Variants in PCNT observed in about 807,000 individuals in gnomAD.
PCNT encodes the protein kendrin.
A neutral mutation model predicts 380.4 loss-of-function variants in PCNT; 319 were observed. The ratio of observed to expected loss-of-function variants is 0.84; its 90% CI spans 0.77 to 0.92. The LOEUF is 0.92. Among genes scored for constraint, PCNT ranks in the 40% least tolerant of loss-of-function variants. PCNT has a pLI of 0.00. For missense variants in PCNT, 4,400 were observed against 4,255.3 expected (o/e 1.03, Z -0.95); for synonymous variants, 1,845 against 1,735.2 (o/e 1.06, Z -1.57).
chr21:46,360,665 T>C (rs1237147912), intron 13 of PCNT, among the ~76,000 whole-genome samples: 8 of 151,400 alleles, frequency 5.3e-5, no homozygotes, highest in Admixed American at 1.3e-4. Flanking sequence ...ACTACAGGCG[T>C]CCGCCACCAC....
At chr21:46,408,723 T>G (rs1008086996) in intron 27 of PCNT, among the ~76,000 whole-genome samples, 4 of 149,150 alleles carry the variant, frequency 2.7e-5, no homozygotes, top group East Asian at 1.9e-4. Flanking sequence ...CAGAAAGTTT[T>G]TTTTTTTTTT....
chr21:46,381,208 GTGTGTGTGTGTGTGTGTGT>G (rs2085526477), intron 15 of PCNT, among the ~76,000 whole-genome samples: 3 of 65,224 alleles, frequency 4.6e-5, no homozygotes, highest in African/African-American at 3.9e-4. Context: ...GTGTGTGTGT[GTGTGTGTGTGTGTGTGTGT>G]GTGTGTGTGT....
chr21:46,346,032 G>A (rs948439297), intron 3 of PCNT, 96 bp from the exon 4 acceptor site: 6 of 1,173,748 alleles, frequency 5.1e-6, no homozygotes, highest in South Asian at 2.5e-5. Context: ...AGCTGCGAAC[G>A]GGGTTTTGTG....
intron 41 of PCNT, among the ~76,000 whole-genome samples, chr21:46,438,542 C>T (rs571798446): frequency 2.0e-5 from 3 of 152,338 alleles, no homozygotes; most frequent in Non-Finnish European, 4.4e-5. Context: ...CTTCCAGCTC[C>T]GCCACAGACG....
chr21:46,419,617 C>G (rs1480431810), intron 31 of PCNT, among the ~76,000 whole-genome samples: 1 of 152,230 alleles, frequency 6.6e-6, no homozygotes, highest in Non-Finnish European at 1.5e-5. Context: ...CTCAGTTTCT[C>G]CTGTGTGCTT....
At chr21:46,421,401 C>A (rs551945158) in intron 31 of PCNT, among the ~76,000 whole-genome samples, 5 of 152,322 alleles carry the variant, frequency 3.3e-5, no homozygotes, top group Admixed American at 1.3e-4. Flanking sequence ...AAAGCGCCCC[C>A]CTCCCTGTGG....
At chr21:46,422,592 C>T (rs2087301102) in intron 32 of PCNT, among the ~76,000 whole-genome samples, 1 of 152,218 alleles carries the variant, frequency 6.6e-6, no homozygotes, top group Non-Finnish European at 1.5e-5. Context: ...GGTTTTCTTT[C>T]CTCTCCCAGT....
intron 2 of PCNT, among the ~76,000 whole-genome samples, chr21:46,332,982 G>C (rs553196570): frequency 1.3e-5 from 2 of 152,226 alleles, no homozygotes; most frequent in East Asian, 3.9e-4. Flanking sequence ...GCACAGTGGC[G>C]CATGCCAGTA....
At chr21:46,389,036 A>G (rs2085940571) in intron 18 of PCNT, 152 bp downstream of exon 18, 4 of 1,382,178 alleles carry the variant, frequency 2.9e-6, no homozygotes, top group Non-Finnish European at 4.0e-6. Context: ...GAAGGCCGAG[A>G]CCGGGGTTTG....
intron 2 of PCNT, among the ~76,000 whole-genome samples, chr21:46,331,585 T>C (rs1229538339): frequency 4.6e-5 from 7 of 151,738 alleles, no homozygotes; most frequent in African/African-American, 1.5e-4. Context: ...GGGAGGATGG[T>C]TGAAACTCTG....
rs1241644792 is a variant in PCNT, at chr21:46,324,175, C to T, written c.-54C>T. ...GGAGGGAGTGTAAATAGAGCGAAGG[C>T]TGCTCTGTGTCAGCCCCGTCACCGC... On this transcript the variant is annotated 5_prime_UTR_variant, in exon 1 of 47. Transcript: ENST00000359568. The T allele has an allele frequency of 6.8e-7, 1 of 1,480,204 alleles. No individual in the cohort carries two copies. The highest frequency in any genetic ancestry group is 9.4e-7 in the Non-Finnish European group (1 of 1,068,830). The allele number at this position is 1,480,204 out of a possible 1,614,324, so 91.7% of individuals were successfully genotyped here. A position where few individuals can be genotyped will look rare whatever the true frequency, so the allele number is the denominator to read the frequency against.
rs1029955995 is a variant in PCNT at position 46,385,832 on chromosome 21, C to T, written c.3313C>T (p.Leu1105=). The T allele has an allele frequency of 3.0e-5, 48 of 1,614,070 alleles. No homozygotes were observed. The highest frequency in any genetic ancestry group is 3.4e-5 in the Non-Finnish European group (40 of 1,180,008). The change falls in exon 17 of 47, where the codon CTG becomes TTG. Residue 1105 remains leucine (L), a splice_region_variant and synonymous_variant. Transcript: ENST00000359568. ...AAGCTTTAACCATTTTTCTCGATAGCTGAAAGACCAGGTTTTATCCTTAAG... is the reference window on the plus strand; with the variant it reads ...AAGCTTTAACCATTTTTCTCGATAGTTGAAAGACCAGGTTTTATCCTTAAG... ...LQKKNHQVQQ[L]KDQVLSLSHE...
In PCNT at chr21:46,388,985, A is replaced by G; in HGVS notation, c.3607+101A>G. ...CTCCGTATTGGGCGATGCCCTTGGGAGCACTGCCGTCCTGGTTTCCTGCTA... is the reference window on the plus strand; with the variant it reads ...CTCCGTATTGGGCGATGCCCTTGGGGGCACTGCCGTCCTGGTTTCCTGCTA... On this transcript the variant is annotated intron_variant, in intron 18 of 46. Coordinates refer to ENST00000359568, the MANE Select transcript of PCNT (RefSeq NM_006031.6). The surrounding 1 kb of genome is among the most constrained non-coding windows in gnomAD (Gnocchi z 4.2). The G allele has an allele frequency of 6.7e-7, 1 of 1,485,538 alleles. No homozygotes were observed. Among genetic ancestry groups the G allele is most frequent in the Admixed American group, 2.0e-5 (1 of 50,926 alleles). The allele number at this position is 1,485,538 out of a possible 1,614,324, so 92.0% of individuals were successfully genotyped here.
In PCNT at chr21:46,396,939, T is replaced by C. The variant is rs141725675; in HGVS notation, c.4217-326T>C. ...TTGATTTACCGATGGGGCGTTTGCC[T>C]TTCCCCTAGACACGTCACAACCCCA... On this transcript the variant is annotated intron_variant, in intron 21 of 46. Transcript: ENST00000359568. Among the ~76,000 whole-genome samples the C allele has an allele frequency of 5.8e-3, 887 of 152,226 alleles. 7 individuals carry two copies. The highest frequency in any genetic ancestry group is 9.3e-3 in the Non-Finnish European group (634 of 68,010).
At chr21:46,366,071 TATTCACTGCCATGAGGTTCTATTC>T (rs1368916346) in intron 14 of PCNT, among the ~76,000 whole-genome samples, 49 of 151,444 alleles carry the variant, frequency 3.2e-4, no homozygotes, top group Non-Finnish European at 6.4e-4. Flanking sequence ...CTTGGGGTTC[TATTCACTGCCATGAGGTTCTATTC>T]ATTCACTGCC....
In PCNT at chr21:46,412,950, G is replaced by T; in HGVS notation, c.6108G>T (p.Leu2036Phe). ...CQRQLQSELL[L>F]VKNEMRLSLE... The stretch of plus-strand genomic sequence containing the variant: ...GGCAGCTGCAGTCGGAGCTGCTCTT[G>T]GTGAAAAATGAAATGCGCCTGAGTC... Residue 2036 changes from leucine (L) to phenylalanine (F), a missense_variant, in exon 29 of 47, where the codon TTG (leucine) becomes TTT (phenylalanine). Leu to Phe is a conservative substitution (Grantham distance 22). Transcript: ENST00000359568. 1 of 1,611,560 alleles carries T rather than the reference G, an allele frequency of 6.2e-7. No individual in the cohort carries two copies.
chr21:46,347,326 G>C, intron 5 of PCNT, 131 bp from the exon 6 acceptor site: 1 of 888,708 alleles, frequency 1.1e-6, no homozygotes, highest in Non-Finnish European at 1.9e-6. Flanking sequence ...CATCATCACA[G>C]ACACATCCTG....
At chr21:46,349,224 A>G (rs776611580) in intron 7 of PCNT, 38 bp downstream of exon 7, 1 of 1,526,640 alleles carries the variant, frequency 6.6e-7, no homozygotes, top group Non-Finnish European at 9.1e-7. Context: ...AGTGGGACTG[A>G]ATTTTCCTAG....
Position 46,398,051 on chromosome 21 carries a change from T to C in PCNT, c.4484T>C (p.Phe1495Ser). The change falls in exon 23 of 47, where the codon TTC becomes TCC. Residue 1495 changes from phenylalanine (F) to serine (S), a missense_variant. Physicochemically the swap from Phe to Ser is radical, Grantham distance 155. Transcript: ENST00000359568. Reference protein sequence around the residue: ...AAEREHEREEFQQEIQRLEGQ... With the variant: ...AAEREHEREESQQEIQRLEGQ... ...GAGCGGGAGCACGAGCGCGAGGAGT[T>C]CCAGCAGGAGATTCAGAGGCTGGAG... The C allele has an allele frequency of 1.9e-6, 3 of 1,596,662 alleles. No individual in the cohort carries two copies. The highest frequency in any genetic ancestry group is 1.7e-5 in the Admixed American group (1 of 57,468).
Sources: gnomAD v4.1 joint callset for allele counts (sites outside exome capture counted in the v4.1 genomes callset) on GRCh38, gnomAD v4.1.1 for gene constraint, Gnocchi (gnomAD v3.1) non-coding constraint, MANE v1.5 for transcripts, NCBI Gene and HGNC (gene_info 2026-07-23, HGNC 2026-07-21) for gene names.